SCML2: variants seen among roughly 807,000 people sequenced by gnomAD.
The protein encoded by SCML2 is Scm polycomb group protein like 2, also known as sex comb on midleg-like protein 2.
Under a neutral mutation model 48.4 loss-of-function variants are expected in SCML2, and 6 were observed. The ratio of observed to expected loss-of-function variants is 0.12; its 90% confidence interval spans 0.07 to 0.24. The LOEUF is 0.24. SCML2 is among the 10% of genes least tolerant of loss of function. The probability of loss-of-function intolerance (pLI) is 1.00; values close to 1 mark genes in which losing one functional copy is unlikely to be tolerated. For synonymous variants in SCML2, 181 were observed against 189.5 expected, an observed-to-expected ratio of 0.95 and a Z score of 0.37; for missense variants, 377 against 528.2, an observed-to-expected ratio of 0.71 and a Z score of 2.81.
At chrX:18,289,444 CCATTT>C (rs1928160604) in intron 7 of SCML2, among the ~76,000 whole-genome samples, 1 of 112,012 alleles carries the variant, frequency 8.9e-6, no homozygotes, top group Admixed American at 9.5e-5. Context: ...GCATTTCTAA[CCATTT>C]CATTTATACC....
chrX:18,254,123 T>C (rs1206800202), intron 11 of SCML2, among the ~76,000 whole-genome samples: 2 of 111,966 alleles, frequency 1.8e-5, no homozygotes, highest in East Asian at 5.6e-4. Flanking sequence ...TCAAGCTACA[T>C]TCCATGTATA....
intron 6 of SCML2, among the ~76,000 whole-genome samples, chrX:18,311,397 G>A (rs1928943045): frequency 1.0e-5 from 1 of 100,245 alleles, no homozygotes. Flanking sequence ...TAAATGCTAT[G>A]CAGAGAGAGA....
In SCML2 at chrX:18,314,413, AT is replaced by A. The variant is rs1219086567; in HGVS notation, c.486+5918del. On this transcript the variant is annotated intron_variant, in intron 6 of 14. Transcript: ENST00000251900. The stretch of plus-strand genomic sequence containing the variant: ...TTCTATATATTCTCTGGACTAGCTC[AT>A]TTAAGCTCAAAGCTTCTATCACTAC... Among the ~76,000 whole-genome samples the A allele has an allele frequency of 2.7e-5, 3 of 111,592 alleles. No individual in the cohort carries two copies. The Admixed American group carries it at 2.9e-4, about 11-fold the overall frequency.
chrX:18,259,522 A>G (rs1277736908), intron 9 of SCML2, among the ~76,000 whole-genome samples: 1 of 111,893 alleles, frequency 8.9e-6, no homozygotes, highest in Non-Finnish European at 1.9e-5. Flanking sequence ...TAAAAATTCA[A>G]CCCACGGTGC....
intron 2 of SCML2, among the ~76,000 whole-genome samples, chrX:18,332,192 G>T (rs1280499390): frequency 8.9e-6 from 1 of 112,508 alleles, no homozygotes; most frequent in Non-Finnish European, 1.9e-5. Context: ...TTAAGGCACG[G>T]ATCACATAGA....
chrX:18,260,310 A>G lies in SCML2; in HGVS notation c.949-19T>C. 1 of 1,150,811 alleles carries G rather than the reference A, an allele frequency of 8.7e-7. No homozygotes were observed. Among genetic ancestry groups the G allele is most frequent in the Non-Finnish European group, 1.2e-6 (1 of 852,237 alleles). The allele number at this position is 1,150,811 out of a possible 1,213,427, so 94.8% of individuals were successfully genotyped here. A position where few individuals can be genotyped will look rare whatever the true frequency, so the allele number is the denominator to read the frequency against. On this transcript the variant is annotated intron_variant, in intron 8 of 14. Transcript: ENST00000251900. The stretch of plus-strand genomic sequence containing the variant: ...GTTTTTCCTGTTAAAAACAAAGGGA[A>G]AAAAACACAAGTATACAATACTCAT...
intron 8 of SCML2, among the ~76,000 whole-genome samples, chrX:18,261,824 T>C (rs984578296): frequency 9.1e-6 from 1 of 110,039 alleles, no homozygotes; most frequent in South Asian, 3.6e-4. Flanking sequence ...TAAAATATTA[T>C]TTCACTTTAA....
intron 1 of SCML2, among the ~76,000 whole-genome samples, chrX:18,334,996 G>A (rs1252308980): frequency 9.0e-6 from 1 of 110,889 alleles, no homozygotes; most frequent in Non-Finnish European, 1.9e-5. Flanking sequence ...TGGATTTCTT[G>A]AGCCCAGCAG....
intron 6 of SCML2, among the ~76,000 whole-genome samples, chrX:18,318,853 G>A (rs914137138): frequency 8.9e-6 from 1 of 112,040 alleles, no homozygotes; most frequent in African/African-American, 3.2e-5. Context: ...GCTGTTCTGG[G>A]CTGAATTGTG....
At chrX:18,249,141 A>T (rs1012525936) in intron 11 of SCML2, among the ~76,000 whole-genome samples, 1 of 112,101 alleles carries the variant, frequency 8.9e-6, no homozygotes, top group African/African-American at 3.2e-5. Flanking sequence ...AACAATGAAA[A>T]CACTGGCAAA....
At chrX:18,322,916 A>T (rs1929368283) in intron 5 of SCML2, among the ~76,000 whole-genome samples, 1 of 111,637 alleles carries the variant, frequency 9.0e-6, no homozygotes, top group African/African-American at 3.3e-5. Context: ...TTTTTAAACC[A>T]AATTAGTTAT....
chrX:18,268,878 T>TATCTCTTCTCTCC (rs1266606711), intron 7 of SCML2, among the ~76,000 whole-genome samples: 2 of 111,495 alleles, frequency 1.8e-5, no homozygotes, highest in African/African-American at 6.5e-5. Context: ...TGGTTTCAAT[T>TATCTCTTCTCTCC]ATCTCTTCTC....
chrX:18,324,919 C>T lies in SCML2; in HGVS notation c.150G>A (p.Glu50=). The change falls in exon 4 of 15, where the codon GAG becomes GAA. Residue 50 remains glutamate (E), a synonymous_variant. Transcript: ENST00000251900. ...AATCTTGGCATACCTGACGGAAGCA[C>T]TCTGAAGGAGCACTTATAGACCCAG... The part of the protein sequence containing the change: ...KETGSISAPS[E]CFRQSQIPPV... 1 of 1,200,626 alleles carries T rather than the reference C, an allele frequency of 8.3e-7. No individual in the cohort carries two copies. The highest frequency in any genetic ancestry group is 3.0e-5 in the East Asian group (1 of 33,746).
At chrX:18,295,879 CAT>C (rs2147513794) in intron 7 of SCML2, among the ~76,000 whole-genome samples, 1 of 112,119 alleles carries the variant, frequency 8.9e-6, no homozygotes, top group South Asian at 3.7e-4. Flanking sequence ...CCAAATAACT[CAT>C]AGAGAAACTT....
chrX:18,333,073 C>T (rs969133149), intron 2 of SCML2, among the ~76,000 whole-genome samples: 31 of 110,088 alleles, frequency 2.8e-4, no homozygotes, highest in Non-Finnish European at 9.5e-5. Context: ...GTCAGGAGTT[C>T]GAAAGCAGCC....
intron 6 of SCML2, among the ~76,000 whole-genome samples, chrX:18,314,791 T>C (rs968965159): frequency 1.8e-5 from 2 of 111,380 alleles, no homozygotes; most frequent in African/African-American, 3.3e-5. Context: ...TACAATGCTA[T>C]AGAAGTATAG....
chrX:18,337,305 C>CAAAAAAAA lies in SCML2; in HGVS notation c.-24-3218_-24-3211dup, dbSNP rs770888184. ...TGGGCGACAGAGCAAGACTCTGTCTCAAAAAAAAAAAAAAAAAAAAAAAAA... is the reference window on the plus strand; with the variant it reads ...TGGGCGACAGAGCAAGACTCTGTCTCAAAAAAAAAAAAAAAAAAAAAAAAAAAAAAAAA... On this transcript the variant is annotated intron_variant, in intron 1 of 14. Transcript: ENST00000251900. Among the ~76,000 whole-genome samples, 3 of 5,057 alleles carry CAAAAAAAA rather than the reference C, an allele frequency of 5.9e-4. 1 individual carries two copies. The highest frequency in any genetic ancestry group is 3.6e-4 in the Non-Finnish European group (1 of 2,741). 4.4% of individuals were successfully genotyped at this position (5,057 alleles called of 115,157 possible). A position where few individuals can be genotyped will look rare whatever the true frequency, so the allele number is the denominator to read the frequency against.
At chrX:18,313,926 A>G (rs1929037917) in intron 6 of SCML2, among the ~76,000 whole-genome samples, 1 of 111,483 alleles carries the variant, frequency 9.0e-6, no homozygotes, top group Admixed American at 9.6e-5. Flanking sequence ...GTTAGCATGC[A>G]GTAGCGAGAT....
chrX:18,267,076 A>G (rs1927280925), intron 7 of SCML2, among the ~76,000 whole-genome samples: 1 of 111,714 alleles, frequency 9.0e-6, no homozygotes, highest in Non-Finnish European at 1.9e-5. Context: ...TGACCATCGT[A>G]CTCTTGGATG....
Sources: allele counts gnomAD v4.1 joint callset (sites outside exome capture counted in the v4.1 genomes callset), GRCh38; gene constraint gnomAD v4.1.1; transcripts MANE v1.5; gene names NCBI Gene and HGNC (gene_info 2026-07-23, HGNC 2026-07-21).